The following PBX1 variants were observed in gnomAD, a reference collection of about 807,000 sequenced individuals.
The protein encoded by PBX1 is pre-B-cell leukemia transcription factor 1.
Under a neutral mutation model 53.4 loss-of-function variants are expected in PBX1, and 6 were observed. That is an observed-to-expected ratio of 0.11 (90% CI 0.06 to 0.22). PBX1 has a LOEUF of 0.22. PBX1 is among the 10% of genes least tolerant of loss of function. The pLI, the probability that PBX1 is intolerant of heterozygous loss-of-function variation, is 1.00. For synonymous variants in PBX1, 204 were observed against 212.3 expected, an observed-to-expected ratio of 0.96 and a Z score of 0.34; for missense variants, 251 against 551.4, an observed-to-expected ratio of 0.46 and a Z score of 5.46.
intron 2 of PBX1, among the ~76,000 whole-genome samples, chr1:164,730,722 A>C (rs2102136017): frequency 6.6e-6 from 1 of 152,308 alleles, no homozygotes; most frequent in Middle Eastern, 3.4e-3. Context: ...GCTTTGCGTA[A>C]GTTTAATCAA....
At chr1:164,864,540 G>T (rs1233072297) in intron 2 of PBX1, among the ~76,000 whole-genome samples, 1 of 152,174 alleles carries the variant, frequency 6.6e-6, no homozygotes, top group Non-Finnish European at 1.5e-5. Flanking sequence ...ACTGTCTTCA[G>T]ATGGAACAGA....
In PBX1 at chr1:164,848,557, C is replaced by T. The variant is rs1440922179; in HGVS notation, c.*1881C>T. 1.1e-5 allele frequency: 12 copies of T among 1,058,600 alleles called. No homozygotes were observed. Among genetic ancestry groups the T allele is most frequent in the Non-Finnish European group, 1.4e-5 (12 of 875,170 alleles). The allele number at this position is 1,058,600 out of a possible 1,614,324, so 65.6% of individuals were successfully genotyped here. A position where few individuals can be genotyped will look rare whatever the true frequency, so the allele number is the denominator to read the frequency against. On this transcript the variant is annotated 3_prime_UTR_variant, in exon 9 of 9. Coordinates refer to ENST00000420696, the MANE Select transcript of PBX1 (RefSeq NM_002585.4). ...AATATCAGTACCTTGATGTCATCAC[C>T]GTGATGACAAAGAGAAGAGTTATTG...
chr1:164,643,841 C>T (rs1659297088), intron 2 of PBX1, among the ~76,000 whole-genome samples: 1 of 152,166 alleles, frequency 6.6e-6, no homozygotes, highest in African/African-American at 2.4e-5. Flanking sequence ...AAACTCATGT[C>T]TACCTGACTC....
chr1:164,711,230 A>T (rs998300838), intron 2 of PBX1, among the ~76,000 whole-genome samples: 2 of 152,184 alleles, frequency 1.3e-5, no homozygotes, highest in Non-Finnish European at 2.9e-5. Context: ...AGAAGCAGAC[A>T]GGTGACCCTT....
intron 2 of PBX1, among the ~76,000 whole-genome samples, chr1:164,791,950 G>A (rs1376313181): frequency 6.6e-6 from 1 of 151,820 alleles, no homozygotes; most frequent in Non-Finnish European, 1.5e-5. Flanking sequence ...TCAGCCTCCC[G>A]AGTAGCTGGG....
intron 2 of PBX1, chr1:164,590,505 T>A (rs1211715434): frequency 4.4e-6 from 2 of 455,644 alleles, no homozygotes; most frequent in Non-Finnish European, 4.4e-6. Context: ...AGTTGAGAGG[T>A]GCCGTTTTTG....
In PBX1 at chr1:164,724,401, C is replaced by G. The variant is rs907593732; in HGVS notation, c.266-68093C>G. Among the ~76,000 whole-genome samples the G allele has an allele frequency of 3.3e-5, 5 of 152,142 alleles. No homozygotes were observed. In the East Asian group the frequency reaches 9.6e-4, roughly 29 times the overall value. On this transcript the variant is annotated intron_variant, in intron 2 of 8. Coordinates refer to ENST00000420696, the MANE Select transcript of PBX1 (RefSeq NM_002585.4). Reference sequence around the variant, plus strand: ...GGCCACTCTTTTGGCTTCCCTGGGCCACAATGGAAGAAGATGAATTGTCTT... The same window carrying G: ...GGCCACTCTTTTGGCTTCCCTGGGCGACAATGGAAGAAGATGAATTGTCTT...
intron 2 of PBX1, among the ~76,000 whole-genome samples, chr1:164,564,527 A>G (rs2101691959): frequency 6.6e-6 from 1 of 152,260 alleles, no homozygotes; most frequent in Admixed American, 6.5e-5. Context: ...GGGTCTTGAA[A>G]TGCGTGTAAA....
intron 2 of PBX1, among the ~76,000 whole-genome samples, chr1:164,760,074 A>G (rs1231992394): frequency 2.6e-5 from 4 of 152,144 alleles, no homozygotes; most frequent in African/African-American, 9.7e-5. Flanking sequence ...ATACTGAGTC[A>G]AGTTTATTGT....
intron 2 of PBX1, among the ~76,000 whole-genome samples, chr1:164,882,217 G>A (rs1044812105): frequency 2.0e-5 from 3 of 151,982 alleles, no homozygotes; most frequent in African/African-American, 7.3e-5. Flanking sequence ...TGGAGCCTAG[G>A]CCTCTAACTC....
intron 2 of PBX1, among the ~76,000 whole-genome samples, chr1:164,688,012 C>T (rs1418550138): frequency 2.0e-5 from 3 of 152,328 alleles, no homozygotes; most frequent in African/African-American, 4.8e-5. Context: ...GCCCTAGGCT[C>T]TTCCCCTAGC....
At chr1:164,743,446 T>G (rs1175235887) in intron 2 of PBX1, among the ~76,000 whole-genome samples, 1 of 152,210 alleles carries the variant, frequency 6.6e-6, no homozygotes, top group Non-Finnish European at 1.5e-5. Context: ...CTGCTGCTGT[T>G]GGAAGCGATG....
At chr1:164,709,868 G>A (rs972347881) in intron 2 of PBX1, among the ~76,000 whole-genome samples, 18 of 152,108 alleles carry the variant, frequency 1.2e-4, no homozygotes, top group African/African-American at 2.4e-4. Context: ...TCTCGGGTCC[G>A]GAGTGCTGTC....
chr1:164,577,054 T>A lies in PBX1; in HGVS notation c.265+13743T>A, dbSNP rs76671978. On this transcript the variant is annotated intron_variant, in intron 2 of 8. Coordinates refer to ENST00000420696, the MANE Select transcript of PBX1 (RefSeq NM_002585.4). ...GCACGCGTATTAATTTGCAGCTCCT[T>A]AGTTGGCCGTGTGTTGTCTCAGCTG... The A allele has an allele frequency of 6.6e-5, 10 of 152,338 alleles. No individual in the cohort carries two copies. The East Asian group carries it at 1.9e-3, about 29-fold the overall frequency. The allele number at this position is 152,338 out of a possible 1,614,324, so 9.4% of individuals were successfully genotyped here.
At chr1:164,800,500 T>G (rs1162396361) in intron 4 of PBX1, among the ~76,000 whole-genome samples, 4 of 152,184 alleles carry the variant, frequency 2.6e-5, no homozygotes, top group Non-Finnish European at 5.9e-5. Flanking sequence ...GTTCAGAGCA[T>G]TCAGTTGAAG....
chr1:164,873,881 C>T lies in PBX1; in HGVS notation n.258-25307C>T, dbSNP rs575379031. On this transcript the variant is annotated intron_variant and non_coding_transcript_variant, in intron 2 of 2. Coordinates refer to the PBX1 transcript ENST00000558796. ...ACCTTATACATAAGCCTTACAATAA[C>T]AGCTTAAAAAAAAATTACAGGAGTA... Among the ~76,000 whole-genome samples the T allele has an allele frequency of 8.4e-4, 127 of 151,810 alleles. 1 individual carries two copies. The highest frequency in any genetic ancestry group is 1.7e-3 in the Non-Finnish European group (113 of 67,940).
At chr1:164,636,774 T>C (rs1180815459) in intron 2 of PBX1, among the ~76,000 whole-genome samples, 1 of 152,164 alleles carries the variant, frequency 6.6e-6, no homozygotes, top group Non-Finnish European at 1.5e-5. Flanking sequence ...TTTTTTTATA[T>C]TTTCCACCAA....
chr1:164,779,638 G>C (rs1667839071), intron 2 of PBX1, among the ~76,000 whole-genome samples: 1 of 152,228 alleles, frequency 6.6e-6, no homozygotes, highest in African/African-American at 2.4e-5. Flanking sequence ...CTCTGCTGAA[G>C]TGGGGAGAGT....
chr1:164,653,613 A>AT (rs1295649112), intron 2 of PBX1, among the ~76,000 whole-genome samples: 1 of 152,102 alleles, frequency 6.6e-6, no homozygotes, highest in African/African-American at 2.4e-5. Flanking sequence ...TCTACTAAAA[A>AT]ACAAAAATTA....
Sources: allele counts gnomAD v4.1 joint callset (sites outside exome capture counted in the v4.1 genomes callset), GRCh38; gene constraint gnomAD v4.1.1; transcripts MANE v1.5; gene names NCBI Gene and HGNC (gene_info 2026-07-23, HGNC 2026-07-21).